RASGRF2: variants seen among roughly 807,000 people sequenced by gnomAD.
RASGRF2 encodes the protein Ras protein specific guanine nucleotide releasing factor 2, also known as ras-specific guanine nucleotide-releasing factor 2.
In RASGRF2, 76 loss-of-function variants were observed where a neutral mutation model predicts 151.0. The observed-to-expected ratio is 0.50, with a 90% CI of 0.42 to 0.61. The LOEUF (loss-of-function observed/expected upper bound fraction) is 0.61, where lower values mean the gene tolerates loss of function less well. Among genes scored for constraint, RASGRF2 ranks in the 20% least tolerant of loss-of-function variants. RASGRF2 has a pLI of 0.00. For missense variants in RASGRF2, 1,148 were observed against 1,564.6 expected, an observed-to-expected ratio of 0.73 and a Z score of 4.49; for synonymous variants, 504 against 566.5, an observed-to-expected ratio of 0.89 and a Z score of 1.57.
At chr5:81,057,493 T>C (rs1026202634) in intron 2 of RASGRF2, among the ~76,000 whole-genome samples, 8 of 152,184 alleles carry the variant, frequency 5.3e-5, no homozygotes, top group Non-Finnish European at 1.2e-4. Context: ...TTTGAATGTT[T>C]CCTTTTCTCC....
chr5:81,210,473 C>T (rs528977400), intron 22 of RASGRF2, among the ~76,000 whole-genome samples: 7 of 152,302 alleles, frequency 4.6e-5, no homozygotes, highest in South Asian at 4.1e-4. Context: ...GATGGCCTTC[C>T]GTGTTATGGC....
At chr5:81,153,149 T>G (rs1004311438) in intron 17 of RASGRF2, among the ~76,000 whole-genome samples, 23 of 152,176 alleles carry the variant, frequency 1.5e-4, no homozygotes, top group Admixed American at 6.5e-5. Flanking sequence ...ATGCTAGACA[T>G]CATGATAAGT....
chr5:81,213,610 C>T (rs1193804487), intron 23 of RASGRF2, among the ~76,000 whole-genome samples: 1 of 152,170 alleles, frequency 6.6e-6, no homozygotes, highest in Non-Finnish European at 1.5e-5. Context: ...CTCTCAGAGA[C>T]ACTCATTATT....
intron 17 of RASGRF2, 85 bp downstream of exon 17, chr5:81,127,248 C>A: frequency 7.6e-7 from 1 of 1,321,628 alleles, no homozygotes; most frequent in Non-Finnish European, 1.1e-6. Flanking sequence ...TGATGAGACA[C>A]TCGGCAGCTC....
intron 1 of RASGRF2, among the ~76,000 whole-genome samples, chr5:80,976,160 G>T (rs1217903268): frequency 2.0e-5 from 3 of 152,180 alleles, no homozygotes; most frequent in Admixed American, 6.5e-5. Flanking sequence ...TCATCTTTCT[G>T]TAGGCCTGTA....
At chr5:81,167,176 A>AGG (rs2112650583) in intron 17 of RASGRF2, among the ~76,000 whole-genome samples, 1 of 152,340 alleles carries the variant, frequency 6.6e-6, no homozygotes, top group Non-Finnish European at 1.5e-5. Flanking sequence ...GTCAGCATAA[A>AGG]GGACCTGGCC....
At chr5:81,089,261 T>C (rs947359911) in intron 9 of RASGRF2, among the ~76,000 whole-genome samples, 1 of 152,236 alleles carries the variant, frequency 6.6e-6, no homozygotes, top group African/African-American at 2.4e-5. Flanking sequence ...TGAAATGGTC[T>C]ACAATTTATC....
chr5:81,064,992 C>CCAGT (rs2112446001), intron 2 of RASGRF2, among the ~76,000 whole-genome samples: 1 of 152,206 alleles, frequency 6.6e-6, no homozygotes, highest in East Asian at 1.9e-4. Flanking sequence ...AAATGTTCTC[C>CCAGT]CACTGGCTTT....
intron 17 of RASGRF2, among the ~76,000 whole-genome samples, chr5:81,130,729 G>A (rs558856772): frequency 4.9e-5 from 6 of 123,608 alleles, no homozygotes; most frequent in East Asian, 2.1e-4. Context: ...TTGCCAGCCC[G>A]GATGCATCCA....
intron 1 of RASGRF2, among the ~76,000 whole-genome samples, chr5:80,983,922 C>T (rs750035814): frequency 4.6e-5 from 7 of 152,206 alleles, no homozygotes; most frequent in Non-Finnish European, 8.8e-5. Context: ...TTCAAAATTA[C>T]GTGCATGGCT....
intron 1 of RASGRF2, among the ~76,000 whole-genome samples, chr5:80,971,818 C>G (rs1177435956): frequency 6.6e-6 from 1 of 152,008 alleles, no homozygotes; most frequent in African/African-American, 2.4e-5. Flanking sequence ...AATCTGCTCC[C>G]CCTTGGCCTC....
At chr5:81,217,572 T>A in intron 25 of RASGRF2, 99 bp downstream of exon 25, 9 of 492,752 alleles carry the variant, frequency 1.8e-5, no homozygotes, top group Non-Finnish European at 2.6e-5. Flanking sequence ...TTTTTTTCTC[T>A]TCTTTTTTTT....
At chr5:81,157,276 A>C (rs1754282472) in intron 17 of RASGRF2, among the ~76,000 whole-genome samples, 1 of 151,182 alleles carries the variant, frequency 6.6e-6, no homozygotes, top group Non-Finnish European at 1.5e-5. Flanking sequence ...AATGGCATGA[A>C]CCCAGGAGGC....
intron 17 of RASGRF2, among the ~76,000 whole-genome samples, chr5:81,142,417 C>A (rs1753906197): frequency 6.6e-6 from 1 of 152,206 alleles, no homozygotes; most frequent in Admixed American, 6.5e-5. Context: ...AATTCTCTAT[C>A]TTCTGGTTAG....
intron 2 of RASGRF2, among the ~76,000 whole-genome samples, chr5:81,050,858 C>G (rs567060239): frequency 6.2e-4 from 95 of 152,334 alleles, no homozygotes; most frequent in African/African-American, 2.2e-3. Flanking sequence ...TACTACTCAT[C>G]TTTTGTGCCC....
Position 81,187,387 on chromosome 5 carries a change from T to C in RASGRF2, c.2793+7106T>C, listed in dbSNP as rs143777983. 1.2e-3 allele frequency among the ~76,000 whole-genome samples: 189 copies of C among 152,274 alleles called. 2 individuals are homozygous for C. The highest frequency in any genetic ancestry group is 1.7e-3 in the Non-Finnish European group (116 of 68,024). Reference sequence around the variant, plus strand: ...AGCACAGTTCTAGACCACTCAAAGGTACCATAGGGAAACAGACCCAGCTGT... The same window carrying C: ...AGCACAGTTCTAGACCACTCAAAGGCACCATAGGGAAACAGACCCAGCTGT... On this transcript the variant is annotated intron_variant, in intron 18 of 26. Transcript: ENST00000265080.
At chr5:81,119,736 C>T (rs1322003271) in intron 15 of RASGRF2, among the ~76,000 whole-genome samples, 1 of 152,206 alleles carries the variant, frequency 6.6e-6, no homozygotes, top group African/African-American at 2.4e-5. Context: ...TGGAGGGAAC[C>T]TGTGAATAAC....
At chr5:81,082,641 T>C (rs1284001622) in intron 7 of RASGRF2, among the ~76,000 whole-genome samples, 4 of 152,174 alleles carry the variant, frequency 2.6e-5, no homozygotes, top group Admixed American at 6.5e-5. Flanking sequence ...ATTGGGTAAC[T>C]ATGTGGTGTT....
intron 1 of RASGRF2, among the ~76,000 whole-genome samples, chr5:81,004,806 G>T (rs773241682): frequency 6.6e-6 from 1 of 152,120 alleles, no homozygotes; most frequent in African/African-American, 2.4e-5. Context: ...ATATGGAAAA[G>T]GTACAGATGC....
Sources: allele counts gnomAD v4.1 joint callset (sites outside exome capture counted in the v4.1 genomes callset), GRCh38; gene constraint gnomAD v4.1.1; transcripts MANE v1.5; gene names NCBI Gene and HGNC (gene_info 2026-07-23, HGNC 2026-07-21).